Variants in SLC1A3 observed in about 807,000 individuals in gnomAD.
The protein encoded by SLC1A3 is solute carrier family 1 member 3.
In SLC1A3, 21 loss-of-function variants were observed where a neutral mutation model predicts 48.1. The ratio of observed to expected loss-of-function variants is 0.44; its 90% CI spans 0.31 to 0.63. The LOEUF is 0.63. Ranked by LOEUF, SLC1A3 falls within the 20% of genes least tolerant of loss-of-function variation. The pLI, the probability that SLC1A3 is intolerant of heterozygous loss-of-function variation, is 0.08. For synonymous variants in SLC1A3, 239 were observed against 251.4 expected (o/e 0.95, Z 0.47); for missense variants, 546 against 689.0 (o/e 0.79, Z 2.32).
At chr5:36,605,023 C>T (rs975911026), upstream of SLC1A3, among the ~76,000 whole-genome samples, 20 of 151,810 alleles carry the variant, frequency 1.3e-4, no homozygotes, top group African/African-American at 4.8e-4. Flanking sequence ...TGCACCTAAA[C>T]CAGAGGCACC....
intron 3 of SLC1A3, among the ~76,000 whole-genome samples, chr5:36,641,570 G>GA (rs1293904686): frequency 1.3e-5 from 2 of 150,622 alleles, no homozygotes; most frequent in East Asian, 1.9e-4. Context: ...AAATATTTAA[G>GA]AAAAAAAAAG....
At chr5:36,629,380 G>T (rs951165556) in intron 2 of SLC1A3, 70 bp from the exon 3 acceptor site, 1 of 1,363,918 alleles carries the variant, frequency 7.3e-7, no homozygotes, top group Non-Finnish European at 1.0e-6. Flanking sequence ...TACTCATTTT[G>T]CTAGGGCTGT....
At chr5:36,609,225 T>C (rs1739095749) in intron 2 of SLC1A3, 2 of 970,554 alleles carry the variant, frequency 2.1e-6, no homozygotes, top group African/African-American at 3.5e-5. Flanking sequence ...TTCCATCTCT[T>C]ACTAATTTAG....
At chr5:36,646,434 T>C (rs1740843619) in intron 3 of SLC1A3, among the ~76,000 whole-genome samples, 2 of 152,238 alleles carry the variant, frequency 1.3e-5, no homozygotes, top group Non-Finnish European at 2.9e-5. Flanking sequence ...CCAAACCTTT[T>C]GGAAATTTAA....
intron 2 of SLC1A3, among the ~76,000 whole-genome samples, chr5:36,627,269 A>G (rs1445510629): frequency 1.3e-5 from 2 of 152,202 alleles, no homozygotes; most frequent in African/African-American, 4.8e-5. Context: ...AAGTAAATAC[A>G]AAATAAAACA....
At chr5:36,652,387 C>T (rs1406119305) in intron 3 of SLC1A3, among the ~76,000 whole-genome samples, 1 of 152,166 alleles carries the variant, frequency 6.6e-6, no homozygotes. Flanking sequence ...TCATCCTCTG[C>T]CTTCAAAGTT....
chr5:36,609,055 G>T, intron 2 of SLC1A3: 1 of 992,352 alleles, frequency 1.0e-6, no homozygotes, highest in African/African-American at 1.7e-5. Context: ...ACTTGAAGCT[G>T]AGTATCAACG....
intron 3 of SLC1A3, among the ~76,000 whole-genome samples, chr5:36,658,084 G>A (rs1231447998): frequency 6.6e-6 from 1 of 152,148 alleles, no homozygotes; most frequent in Admixed American, 6.5e-5. Flanking sequence ...TAGGCTCAAG[G>A]AGTTGAAAAT....
At chr5:36,614,105 T>A (rs1437054457) in intron 2 of SLC1A3, among the ~76,000 whole-genome samples, 1 of 152,212 alleles carries the variant, frequency 6.6e-6, no homozygotes, top group African/African-American at 2.4e-5. Flanking sequence ...CCTCTGTTTC[T>A]TCATGTATAA....
chr5:36,638,477 CA>C (rs1740481160), intron 3 of SLC1A3, among the ~76,000 whole-genome samples: 1 of 152,254 alleles, frequency 6.6e-6, no homozygotes, highest in African/African-American at 2.4e-5. Flanking sequence ...GCTTAGCTTT[CA>C]ATCTTTCCGT....
chr5:36,621,986 A>T (rs1381424034), intron 2 of SLC1A3, among the ~76,000 whole-genome samples: 1 of 152,226 alleles, frequency 6.6e-6, no homozygotes, highest in African/African-American at 2.4e-5. Context: ...TGCTACCTAA[A>T]TGGAAATATC....
intron 7 of SLC1A3, 83 bp from the exon 8 acceptor site, chr5:36,680,312 A>G: frequency 1.8e-6 from 2 of 1,129,456 alleles, no homozygotes; most frequent in Non-Finnish European, 2.7e-6. Context: ...AGAGGAAGGA[A>G]CTGTCTGTCC....
At chr5:36,621,681 C>T (rs79991211) in intron 2 of SLC1A3, among the ~76,000 whole-genome samples, 1,685 of 152,240 alleles carry the variant, frequency 0.011, 24 homozygotes, top group African/African-American at 0.038. Context: ...CAGGATCACA[C>T]GGGGAGTTAA....
At chr5:36,674,238 A>AT (rs1314457073) in intron 5 of SLC1A3, 147 bp downstream of exon 5, 108 of 712,152 alleles carry the variant, frequency 1.5e-4, no homozygotes, top group Non-Finnish European at 2.4e-4. Flanking sequence ...TTTTCTAGGA[A>AT]TTTTGGGGGG....
intron 3 of SLC1A3, chr5:36,635,911 T>A (rs138865544): frequency 6.6e-6 from 1 of 152,170 alleles, no homozygotes; most frequent in Non-Finnish European, 1.5e-5. Flanking sequence ...TAGGGGCTAA[T>A]CACAAACATG....
chr5:36,663,395 T>TG (rs1741598890), intron 3 of SLC1A3, among the ~76,000 whole-genome samples: 1 of 144,054 alleles, frequency 6.9e-6, no homozygotes, highest in Non-Finnish European at 1.5e-5. Flanking sequence ...TTTTTTTTTT[T>TG]TTTTTTTTTT....
chr5:36,683,946 G>A lies in SLC1A3; in HGVS notation c.1372G>A (p.Val458Ile), dbSNP rs181358295. 2.9e-4 allele frequency: 476 copies of A among 1,614,182 alleles called. 3 individuals carry two copies. The highest frequency in any genetic ancestry group is 2.4e-5 in the Non-Finnish European group (28 of 1,180,028). Residue 458 changes from valine (V) to isoleucine (I), a missense_variant, in exon 9 of 10, where the codon GTC becomes ATC. Coordinates refer to ENST00000265113, the MANE Select transcript of SLC1A3 (RefSeq NM_004172.5). ...LVTMVIVLTSVGLPTDDITLI... is the reference protein window; with the variant it reads ...LVTMVIVLTSIGLPTDDITLI... ...CACTATGGTCATTGTGCTGACATCT[G>A]TCGGCCTGCCCACTGACGACATCAC...
intron 3 of SLC1A3, among the ~76,000 whole-genome samples, chr5:36,642,312 G>A (rs529030413): frequency 2.6e-5 from 4 of 152,268 alleles, no homozygotes; most frequent in South Asian, 2.1e-4. Flanking sequence ...ACATAAGCAC[G>A]TTTTCCTTAT....
chr5:36,628,419 A>C (rs1739996882), intron 2 of SLC1A3, among the ~76,000 whole-genome samples: 1 of 151,916 alleles, frequency 6.6e-6, no homozygotes, highest in African/African-American at 2.4e-5. Context: ...CCACCAACCC[A>C]CCACCCCCAG....
Sources: allele counts gnomAD v4.1 joint callset (sites outside exome capture counted in the v4.1 genomes callset), GRCh38; gene constraint gnomAD v4.1.1; transcripts MANE v1.5; gene names NCBI Gene and HGNC (gene_info 2026-07-23, HGNC 2026-07-21).